TTN: variants seen among roughly 807,000 people sequenced by gnomAD.
TTN encodes the protein connectin.
Under a neutral mutation model 3,223.0 loss-of-function variants are expected in TTN, and 1,525 were observed. The observed-to-expected ratio is 0.47, with a 90% CI of 0.45 to 0.49. The LOEUF is 0.49. Ranked by LOEUF, TTN falls within the 20% of genes least tolerant of loss-of-function variation. The pLI is 0.00. For synonymous variants in TTN, 14,094 were observed against 15,161.0 expected (o/e 0.93, Z 5.17); for missense variants, 40,786 against 43,424.0 (o/e 0.94, Z 5.40).
Position 178,584,874 on chromosome 2 carries a change from G to C in TTN, c.64767C>G (p.Gly21589=), listed in dbSNP as rs1060503955. The change falls in exon 310 of 363, where the codon GGC becomes GGG. Residue 21589 remains glycine, a synonymous_variant. Transcript: ENST00000589042. ...CCACTATATAATTGGTGATGTTACT[G>C]CCTCCGTCCTCCAGAGGGATGTGCC... ...LSWHIPLEDG[G]SNITNYIVEK... is the part of the protein sequence containing the mutation. 2.5e-6 allele frequency: 4 copies of C among 1,613,242 alleles called. No homozygotes were observed. Among genetic ancestry groups the C allele is most frequent in the Non-Finnish European group, 3.4e-6 (4 of 1,179,568 alleles).
chr2:178,730,760 G>T lies in TTN; in HGVS notation c.17773C>A (p.Leu5925Met), dbSNP rs750909367. ...LIIPPSFTKK[L>M]KKMDSIKGSF... ...CCTTTAATGCTGTCCATTTTCTTCA[G>T]CTTTTTGGTGAATGAAGGAGGTATG... The change falls in exon 61 of 363, where the codon CTG (leucine) becomes ATG (methionine). Residue 5925 changes from leucine to methionine, a missense_variant. Leu to Met is a conservative substitution (Grantham distance 15). Coordinates refer to ENST00000589042, the MANE Select transcript of TTN (RefSeq NM_001267550.2). The T allele has an allele frequency of 6.2e-7, 1 of 1,605,616 alleles. No individual in the cohort carries two copies. Among genetic ancestry groups the T allele is most frequent in the Non-Finnish European group, 8.5e-7 (1 of 1,174,302 alleles).
In TTN at chr2:178,673,682, A is replaced by C; in HGVS notation, c.34737T>G (p.Pro11579=). 1 of 1,591,450 alleles carries C rather than the reference A, an allele frequency of 6.3e-7. No homozygotes were observed. Among genetic ancestry groups the C allele is most frequent in the South Asian group, 1.2e-5 (1 of 84,908 alleles). ...TTTTAGGAACAGGAGTAGGTGCTTC[A>C]GGTACTGCTTTCTTAATCACTTCAG... ...RVPEVIKKAV[P]EAPTPVPKKV... The change falls in exon 152 of 363, where the codon CCT becomes CCG. Residue 11579 remains proline (P), a synonymous_variant. Transcript: ENST00000589042.
In TTN at chr2:178,741,346, C is replaced by T. The variant is rs1000514079; in HGVS notation, c.11887G>A (p.Gly3963Arg). The change falls in exon 48 of 363, where the codon GGA (glycine) becomes AGA (arginine). Residue 3963 changes from glycine to arginine, a missense_variant. Transcript: ENST00000589042. ...CATGTAACAGTAGGGGCAGGCTCTC[C>T]AACCACTGTGTACTCAAAGATGGCA... ...LPAIFEYTVV[G>R]EPAPTVTWFK... is the part of the protein sequence containing the mutation. The T allele has an allele frequency of 6.2e-7, 1 of 1,613,758 alleles. No homozygotes were observed. The highest frequency in any genetic ancestry group is 8.5e-7 in the Non-Finnish European group (1 of 1,179,840).
At position 178,610,172 on chromosome 2, in the gene TTN, G is replaced by A. The variant is rs747222912; in HGVS notation, c.51354C>T (p.Phe17118=). 1.2e-6 allele frequency: 2 copies of A among 1,612,922 alleles called. No individual in the cohort carries two copies. Among genetic ancestry groups the A allele is most frequent in the South Asian group, 1.1e-5 (1 of 91,072 alleles). The part of the protein sequence containing the change: ...VKDLIPNGEY[F]FRVKAVNKVG... The stretch of plus-strand genomic sequence containing the variant: ...CCTTGTTGACTGCTTTAACACGGAA[G>A]AAGTATTCACCATTTGGTATGAGAT... Residue 17118 remains phenylalanine (F), a synonymous_variant, in exon 271 of 363, where the codon TTC becomes TTT. Coordinates refer to ENST00000589042, the MANE Select transcript of TTN (RefSeq NM_001267550.2).
In TTN at chr2:178,665,744, C is replaced by A; in HGVS notation, c.35923G>T (p.Ala11975Ser). The change falls in exon 164 of 363, where the codon GCT (alanine) becomes TCT (serine). Residue 11975 changes from alanine (A) to serine (S), a missense_variant. Physicochemically the swap from Ala to Ser is moderately conservative, Grantham distance 99. Coordinates refer to ENST00000589042, the MANE Select transcript of TTN (RefSeq NM_001267550.2). ...GGTATTTCAATTTCAAGGGGAGCAG[C>A]CATGGGTGTTTCCTTTACAGGGACA... ...EIVPVKETPM[A>S]APLEIEIPPT... is the part of the protein sequence containing the mutation. 2.3e-6 allele frequency: 3 copies of A among 1,327,918 alleles called. No individual in the cohort carries two copies. The highest frequency in any genetic ancestry group is 5.2e-5 in the South Asian group (2 of 38,488). The allele number at this position is 1,327,918 out of a possible 1,614,324, so 82.3% of individuals were successfully genotyped here. A position where few individuals can be genotyped will look rare whatever the true frequency, so the allele number is the denominator to read the frequency against.
At chr2:178,785,384 G>T (rs1040999124) in intron 15 of TTN, among the ~76,000 whole-genome samples, 2 of 152,206 alleles carry the variant, frequency 1.3e-5, no homozygotes, top group East Asian at 3.9e-4. Flanking sequence ...AGCCTGTGTG[G>T]ATTTGTCTCT....
chr2:178,572,686 G>A lies in TTN; in HGVS notation c.73446C>T (p.Thr24482=), dbSNP rs778540886. The change falls in exon 326 of 363, where the codon ACC becomes ACT. Residue 24482 remains threonine (T), a synonymous_variant. Transcript: ENST00000589042. ...TGTTTACATTTCCAACAATAAGCAG[G>A]GTGTAAGAGCTTGTGGATTCGATGC... The part of the protein sequence containing the change: ...KASIESTSSY[T]LLIVGNVNRF... 10 of 1,613,260 alleles carry A rather than the reference G, an allele frequency of 6.2e-6. No individual in the cohort carries two copies. In the South Asian group the frequency reaches 8.8e-5, roughly 14 times the overall value.
At position 178,545,876 on chromosome 2, in the gene TTN, T is replaced by G; in HGVS notation, c.95360A>C (p.Lys31787Thr). 1.2e-6 allele frequency: 2 copies of G among 1,613,912 alleles called. No individual in the cohort carries two copies. Among genetic ancestry groups the G allele is most frequent in the Non-Finnish European group, 1.7e-6 (2 of 1,179,786 alleles). The change falls in exon 343 of 363, where the codon AAA becomes ACA. Residue 31787 changes from lysine (K) to threonine (T), a missense_variant. Lys to Thr is a moderately conservative substitution (Grantham distance 78). Coordinates refer to ENST00000589042, the MANE Select transcript of TTN (RefSeq NM_001267550.2). ...EYIFRVRAVN[K>T]YGPGVPVESE... ...TTCAACAGGCACACCAGGGCCATAT[T>G]TGTTTACTGCCCTCACTCGGAATAT...
At position 178,532,038 on chromosome 2, in the gene TTN, C is replaced by G. The variant is rs1194255364; in HGVS notation, c.104577G>C (p.Arg34859=). The G allele has an allele frequency of 1.2e-6, 2 of 1,613,732 alleles. No individual in the cohort carries two copies. Among genetic ancestry groups the G allele is most frequent in the African/African-American group, 1.3e-5 (1 of 74,870 alleles). The stretch of plus-strand genomic sequence containing the variant: ...ATTCCTCAGCCGGTTGTGGACGTGA[C>G]CGGATCAGCTCAGACACTGGCCTCA... ...ELMRPVSELI[R]SRPQPAEEYE... is the part of the protein sequence containing the mutation. The change falls in exon 358 of 363, where the codon CGG becomes CGC. Residue 34859 remains arginine (R), a synonymous_variant. Coordinates refer to ENST00000589042, the MANE Select transcript of TTN (RefSeq NM_001267550.2).
chr2:178,538,556 T>C lies in TTN; in HGVS notation c.99273A>G (p.Ile33091Met), dbSNP rs746305727. 18 of 1,612,196 alleles carry C rather than the reference T, an allele frequency of 1.1e-5. No individual in the cohort carries two copies. Among genetic ancestry groups the C allele is most frequent in the Non-Finnish European group, 1.5e-5 (18 of 1,178,980 alleles). The change falls in exon 354 of 363, where the codon ATA (isoleucine) becomes ATG (methionine). Residue 33091 changes from isoleucine to methionine, a missense_variant. Ile to Met is a conservative substitution (Grantham distance 10, BLOSUM62 1). Transcript: ENST00000589042. ...GCTACTTACATGTGAGTTTAGTCTT[T>C]ATAGACATAGCAGTTCTGCGAGGTC... is the stretch of plus-strand genomic sequence containing the variant. ...LSRPRRTAMS[I>M]KTKLTSGEAP...
intron 250 of TTN, 40 bp downstream of exon 250, chr2:178,619,581 C>G (rs764564298): frequency 6.3e-7 from 1 of 1,596,372 alleles, no homozygotes; most frequent in African/African-American, 1.4e-5. Context: ...AATCTAAACT[C>G]TGTGATATTG....
chr2:178,748,225 A>C, intron 47 of TTN: 1 of 1,613,038 alleles, frequency 6.2e-7, no homozygotes, highest in Non-Finnish European at 8.5e-7. Context: ...AGATTTCTTC[A>C]GAAAAGGATT....
intron 119 of TTN, among the ~76,000 whole-genome samples, chr2:178,693,045 C>T (rs1018778026): frequency 7.2e-5 from 11 of 151,902 alleles, no homozygotes; most frequent in Non-Finnish European, 1.3e-4. Context: ...TATAAACACT[C>T]CCTCCCACCC....
chr2:178,632,663 G>C lies in TTN; in HGVS notation c.43343C>G (p.Thr14448Arg), dbSNP rs545318911. Residue 14448 changes from threonine (T) to arginine (R), a missense_variant, in exon 235 of 363, where the codon ACA becomes AGA. By Grantham distance (71) the Thr-to-Arg change is moderately conservative (BLOSUM62 -1). Transcript: ENST00000589042. ...FRWLKGTQEI[T>R]GDDRFELIKD... ...TATAAGCTCAAATCTGTCATCACCT[G>C]TGATTTCCTGGGTTCCTTTTAGCCA... is the stretch of plus-strand genomic sequence containing the variant. 1 of 1,613,288 alleles carries C rather than the reference G, an allele frequency of 6.2e-7. No individual in the cohort carries two copies. Among genetic ancestry groups the C allele is most frequent in the Non-Finnish European group, 8.5e-7 (1 of 1,179,558 alleles).
rs775724652 is a variant in TTN, at chr2:178,566,550, T to C, written c.79582A>G (p.Lys26528Glu). 5 of 1,613,178 alleles carry C rather than the reference T, an allele frequency of 3.1e-6. No individual in the cohort carries two copies. Among genetic ancestry groups the C allele is most frequent in the Admixed American group, 3.3e-5 (2 of 59,970 alleles). Residue 26528 changes from lysine to glutamate, a missense_variant, in exon 326 of 363, where the codon AAA becomes GAA. Coordinates refer to ENST00000589042, the MANE Select transcript of TTN (RefSeq NM_001267550.2). ...ATTTGCCATTCTTCTTCATCTGCTT[T>C]ACAGATTTCTACTACATATCCCAAG... ...EILGYVVEIC[K>E]ADEEEWQIVT...
At chr2:178,673,330 T>TA (rs1421950787) in intron 152 of TTN, among the ~76,000 whole-genome samples, 6 of 151,790 alleles carry the variant, frequency 4.0e-5, no homozygotes, top group African/African-American at 1.4e-4. Flanking sequence ...ACTTATGGAA[T>TA]AAAATCTAAA....
chr2:178,595,659 G>T lies in TTN; in HGVS notation c.57695C>A (p.Thr19232Asn), dbSNP rs376457991. The change falls in exon 295 of 363, where the codon ACC becomes AAC. Residue 19232 changes from threonine (T) to asparagine (N), a missense_variant. By Grantham distance (65) the Thr-to-Asn change is moderately conservative. Transcript: ENST00000589042. ...TCGGGTAACTGTATATGTCACTGGG[G>T]TCCATGCTCTGCGGTCAGATTCACG... ...EKRESDRRAW[T>N]PVTYTVTRQN... 1.2e-6 allele frequency: 2 copies of T among 1,608,084 alleles called. No homozygotes were observed. Among genetic ancestry groups the T allele is most frequent in the African/African-American group, 1.3e-5 (1 of 74,810 alleles).
At position 178,727,641 on chromosome 2, in the gene TTN, C is replaced by T. The variant is rs575692993; in HGVS notation, c.19937G>A (p.Cys6646Tyr). 3.7e-6 allele frequency: 6 copies of T among 1,606,512 alleles called. No individual in the cohort carries two copies. In the South Asian group the frequency reaches 4.5e-5, roughly 12 times the overall value. Residue 6646 changes from cysteine to tyrosine, a missense_variant, in exon 68 of 363, where the codon TGC (cysteine) becomes TAC (tyrosine). By Grantham distance (194) the Cys-to-Tyr change is radical. Transcript: ENST00000589042. ...GCTACCAACATCATTGGTAACATGG[C>T]AAGTATACTGTCCAGTCTTAGAAGC... ...VDASKTGQYT[C>Y]HVTNDVGSDS...
At chr2:178,744,313 G>C (rs2083041717) in intron 47 of TTN, 1 of 882,530 alleles carries the variant, frequency 1.1e-6, no homozygotes, top group Non-Finnish European at 1.4e-6. Flanking sequence ...ATTCTAAATT[G>C]TATTAAGAAT....
Sources: allele counts gnomAD v4.1 joint callset (sites outside exome capture counted in the v4.1 genomes callset), GRCh38; gene constraint gnomAD v4.1.1; transcripts MANE v1.5; gene names NCBI Gene and HGNC (gene_info 2026-07-23, HGNC 2026-07-21).